CARTPT: variants seen among roughly 807,000 people sequenced by gnomAD.
CARTPT encodes cocaine- and amphetamine-regulated transcript protein.
In CARTPT, 6 loss-of-function variants were observed where a neutral mutation model predicts 12.2. That is an observed-to-expected ratio of 0.49 (90% CI 0.27 to 0.97). The LOEUF (loss-of-function observed/expected upper bound fraction) is 0.97, where lower values mean the gene tolerates loss of function less well. Ranked by LOEUF, CARTPT falls within the 50% of genes least tolerant of loss-of-function variation. The pLI is 0.12. For missense variants in CARTPT, 135 were observed against 142.0 expected (o/e 0.95, Z 0.25); for synonymous variants, 75 against 64.1 (o/e 1.17, Z -0.82).
At chr5:71,719,529 AC>A in intron 1 of CARTPT, 77 bp downstream of exon 1, 2 of 1,507,348 alleles carry the variant, frequency 1.3e-6, no homozygotes, top group South Asian at 2.3e-5. Context: ...TCCTCCCCCC[AC>A]CCCCACTCCT....
rs550796639 is a variant in CARTPT, at chr5:71,719,561, G to A, written c.159+109G>A. On this transcript the variant is annotated intron_variant, in intron 1 of 2. Transcript: ENST00000296777. ...CTCCTATTCCCAGAGTCAGGGCGCG[G>A]GGAGCTGAGCGCAACGCCCAGGCAC... 6 of 1,394,122 alleles carry A rather than the reference G, an allele frequency of 4.3e-6. No homozygotes were observed. The South Asian group carries it at 6.0e-5, about 14-fold the overall frequency. The allele number at this position is 1,394,122 out of a possible 1,614,324, so 86.4% of individuals were successfully genotyped here. A position where few individuals can be genotyped will look rare whatever the true frequency, so the allele number is the denominator to read the frequency against.
chr5:71,720,740 T>C lies in CARTPT; in HGVS notation c.*125T>C. 3 of 755,262 alleles carry C rather than the reference T, an allele frequency of 4.0e-6. No homozygotes were observed. The highest frequency in any genetic ancestry group is 4.7e-6 in the Non-Finnish European group (2 of 425,948). The allele number at this position is 755,262 out of a possible 1,614,324, so 46.8% of individuals were successfully genotyped here. ...TTATTTTCCTCTGAAGGGAAAGGGC[T>C]CTTTTCCTGCTGTTTCAAAAATAAA... On this transcript the variant is annotated 3_prime_UTR_variant, in exon 3 of 3. Transcript: ENST00000296777.
rs121909065 is a variant in CARTPT at position 71,719,903 on chromosome 5, G to C, written c.183G>C (p.Leu61Phe). Residue 61 changes from leucine to phenylalanine, a missense_variant, in exon 2 of 3, where the codon TTG becomes TTC. Transcript: ENST00000296777. ...AGATCGAAGCGCTGCAAGAAGTCTTGAAGAAGCTCAAGAGTAAACGTGTTC... is the reference window on the plus strand; with the variant it reads ...AGATCGAAGCGCTGCAAGAAGTCTTCAAGAAGCTCAAGAGTAAACGTGTTC... ...KELIEALQEV[L>F]KKLKSKRVPI... 1.0e-4 allele frequency: 163 copies of C among 1,614,104 alleles called. 1 individual carries two copies. In the Middle Eastern group the frequency reaches 1.5e-3, roughly 15 times the overall value.
chr5:71,719,756 C>T lies in CARTPT; in HGVS notation c.160-124C>T, dbSNP rs1294273978. The T allele has an allele frequency of 8.8e-6, 8 of 914,168 alleles. No homozygotes were observed. The Admixed American group carries it at 1.3e-4, about 15-fold the overall frequency. 56.6% of individuals were successfully genotyped at this position (914,168 alleles called of 1,614,324 possible). A position where few individuals can be genotyped will look rare whatever the true frequency, so the allele number is the denominator to read the frequency against. ...CCACCCCTCGACCATTCCCTGTGTC[C>T]GCGGAGTCCCACCGCAGAGTGCGTG... On this transcript the variant is annotated intron_variant, in intron 1 of 2. Transcript: ENST00000296777.
chr5:71,719,691 A>G (rs1748667205), intron 1 of CARTPT, 189 bp from the exon 2 acceptor site: 2 of 749,182 alleles, frequency 2.7e-6, no homozygotes, highest in Non-Finnish European at 4.5e-6. Context: ...AGCGGCTCAG[A>G]GACCCGCGGT....
chr5:71,720,820 G>A lies in CARTPT; in HGVS notation c.*205G>A, dbSNP rs1748694400. 7.0e-6 allele frequency: 4 copies of A among 571,386 alleles called. No homozygotes were observed. Among genetic ancestry groups the A allele is most frequent in the South Asian group, 4.1e-5 (2 of 49,152 alleles). 35.4% of individuals were successfully genotyped at this position (571,386 alleles called of 1,614,324 possible). On this transcript the variant is annotated 3_prime_UTR_variant, in exon 3 of 3. Transcript: ENST00000296777. Reference sequence around the variant, plus strand: ...ATAATGCCTTGTATGGTGTTGATACGTGTGTGAAGTATTCTTATTTTATTT... The same window carrying A: ...ATAATGCCTTGTATGGTGTTGATACATGTGTGAAGTATTCTTATTTTATTT...
chr5:71,720,089 T>C, intron 2 of CARTPT, 126 bp downstream of exon 2: 2 of 841,512 alleles, frequency 2.4e-6, no homozygotes, highest in Non-Finnish European at 4.0e-6. Context: ...CAGGATTCTG[T>C]GGGCTCCTTC....
intron 1 of CARTPT, 193 bp from the exon 2 acceptor site, chr5:71,719,687 T>G: frequency 1.3e-6 from 1 of 751,034 alleles, no homozygotes; most frequent in Non-Finnish European, 2.3e-6. Flanking sequence ...CCCCAGCGGC[T>G]CAGAGACCCG....
chr5:71,720,622 G>A lies in CARTPT; in HGVS notation c.*7G>A, dbSNP rs1410781715. ...CCTCCTGAAGTGCTTATGAAGGGGC[G>A]TCCATTCTCCTCCATACATCCCCAT... is the stretch of plus-strand genomic sequence containing the variant. On this transcript the variant is annotated 3_prime_UTR_variant, in exon 3 of 3. Transcript: ENST00000296777. 6.9e-6 allele frequency: 11 copies of A among 1,589,876 alleles called. No individual in the cohort carries two copies. The highest frequency in any genetic ancestry group is 2.3e-5 in the East Asian group (1 of 44,302).
chr5:71,719,871 G>A lies in CARTPT; in HGVS notation c.160-9G>A. 6.2e-7 allele frequency: 1 copy of A among 1,614,004 alleles called. No individual in the cohort carries two copies. Among genetic ancestry groups the A allele is most frequent in the South Asian group, 1.1e-5 (1 of 91,080 alleles). On this transcript the variant is annotated splice_polypyrimidine_tract_variant and intron_variant, in intron 1 of 2. Transcript: ENST00000296777. ...CGGCAACTTCAGGCTCCGAAGCGGT[G>A]TGTTGCAGATCGAAGCGCTGCAAGA...
intron 1 of CARTPT, 149 bp from the exon 2 acceptor site, chr5:71,719,731 C>A: frequency 2.4e-6 from 2 of 832,788 alleles, no homozygotes; most frequent in South Asian, 1.4e-5. Flanking sequence ...CGCTAAGTTT[C>A]CACCCCTCGA....
intron 1 of CARTPT, 74 bp downstream of exon 1, chr5:71,719,526 C>T (rs1748660329): frequency 1.9e-6 from 3 of 1,543,926 alleles, no homozygotes; most frequent in Non-Finnish European, 2.7e-6. Context: ...CCCTCCTCCC[C>T]CCACCCCCAC....
At position 71,720,763 on chromosome 5, in the gene CARTPT, A is replaced by G. The variant is rs1748693123; in HGVS notation, c.*148A>G. Reference sequence around the variant, plus strand: ...GCTCTTTTCCTGCTGTTTCAAAAATAAAAGAACACATTAGATGTTACTGTG... The same window carrying G: ...GCTCTTTTCCTGCTGTTTCAAAAATGAAAGAACACATTAGATGTTACTGTG... On this transcript the variant is annotated 3_prime_UTR_variant, in exon 3 of 3. Coordinates refer to ENST00000296777, the MANE Select transcript of CARTPT (RefSeq NM_004291.4). 4.3e-6 allele frequency: 3 copies of G among 702,496 alleles called. No homozygotes were observed. Among genetic ancestry groups the G allele is most frequent in the Non-Finnish European group, 7.7e-6 (3 of 387,122 alleles). 43.5% of individuals were successfully genotyped at this position (702,496 alleles called of 1,614,324 possible). A position where few individuals can be genotyped will look rare whatever the true frequency, so the allele number is the denominator to read the frequency against.
chr5:71,720,262 T>G (rs746142338), intron 2 of CARTPT, among the ~76,000 whole-genome samples: 107 of 152,074 alleles, frequency 7.0e-4, no homozygotes, highest in Non-Finnish European at 1.2e-3. Flanking sequence ...CCCCCAACCC[T>G]CGCCACTTAA....
Position 71,720,804 on chromosome 5 carries a change from T to C in CARTPT, c.*189T>C, listed in dbSNP as rs1748693828. On this transcript the variant is annotated 3_prime_UTR_variant, in exon 3 of 3. Transcript: ENST00000296777. The stretch of plus-strand genomic sequence containing the variant: ...TGTTACTGTGTGAAGAATAATGCCT[T>C]GTATGGTGTTGATACGTGTGTGAAG... The C allele has an allele frequency of 3.2e-6, 2 of 620,416 alleles. No individual in the cohort carries two copies. The highest frequency in any genetic ancestry group is 1.8e-5 in the African/African-American group (1 of 54,740). The allele number at this position is 620,416 out of a possible 1,614,324, so 38.4% of individuals were successfully genotyped here. A position where few individuals can be genotyped will look rare whatever the true frequency, so the allele number is the denominator to read the frequency against.
At chr5:71,719,714 C>A in intron 1 of CARTPT, 166 bp from the exon 2 acceptor site, 2 of 783,022 alleles carry the variant, frequency 2.6e-6, no homozygotes, top group Non-Finnish European at 4.3e-6. Flanking sequence ...GTACCTGGGA[C>A]AGCGTCCGCT....
At position 71,719,452 on chromosome 5, in the gene CARTPT, G is replaced by T. The variant is rs773496902; in HGVS notation, c.159G>T (p.Leu53=). 6 of 1,613,944 alleles carry T rather than the reference G, an allele frequency of 3.7e-6. No homozygotes were observed. The South Asian group carries it at 5.5e-5, about 15-fold the overall frequency. Residue 53 remains leucine, a splice_region_variant and synonymous_variant, in exon 1 of 3, where the codon CTG becomes CTT. Transcript: ENST00000296777. The part of the protein sequence containing the change: ...AVDDASHEKE[L]IEALQEVLKK... ...ATGATGCCTCCCACGAGAAGGAGCT[G>T]GTCGGTATTCCCCTCGCTCTCGACC...
At chr5:71,720,374 T>C (rs1276244043) in intron 2 of CARTPT, 134 bp from the exon 3 acceptor site, 1 of 756,406 alleles carries the variant, frequency 1.3e-6, no homozygotes, top group Non-Finnish European at 2.4e-6. Context: ...GATCTGACTG[T>C]ACGTAGACCT....
In CARTPT at chr5:71,720,852, C is replaced by T; in HGVS notation, c.*237C>T. ...AAGTATTCTTATTTTATTTGTCTGA[C>T]AAACTCTTGTGTACCTTTGTGTAAA... On this transcript the variant is annotated 3_prime_UTR_variant, in exon 3 of 3. Transcript: ENST00000296777. 1 of 513,552 alleles carries T rather than the reference C, an allele frequency of 1.9e-6. No individual in the cohort carries two copies. Among genetic ancestry groups the T allele is most frequent in the South Asian group, 2.2e-5 (1 of 46,370 alleles). 31.8% of individuals were successfully genotyped at this position (513,552 alleles called of 1,614,324 possible).
Sources: gnomAD v4.1 joint callset for allele counts (sites outside exome capture counted in the v4.1 genomes callset) on GRCh38, gnomAD v4.1.1 for gene constraint, MANE v1.5 for transcripts, NCBI Gene and HGNC (gene_info 2026-07-23, HGNC 2026-07-21) for gene names.